Variants in SRBD1 observed in about 807,000 individuals in gnomAD.
SRBD1 encodes S1 RNA-binding domain-containing protein 1.
SRBD1 carries 88 observed loss-of-function variants against 115.3 expected under a neutral mutation model. That is an observed-to-expected ratio of 0.76 (90% CI 0.64 to 0.91). The LOEUF (loss-of-function observed/expected upper bound fraction) is 0.91, where lower values mean the gene tolerates loss of function less well. Among genes scored for constraint, SRBD1 ranks in the 40% least tolerant of loss-of-function variants. SRBD1 has a pLI of 0.00. For synonymous variants in SRBD1, 509 were observed against 407.7 expected, an observed-to-expected ratio of 1.25 and a Z score of -2.99; for missense variants, 1,385 against 1,177.4, an observed-to-expected ratio of 1.18 and a Z score of -2.58.
intron 4 of SRBD1, among the ~76,000 whole-genome samples, chr2:45,590,486 A>C (rs1333236942): frequency 6.6e-6 from 1 of 152,102 alleles, no homozygotes; most frequent in Non-Finnish European, 1.5e-5. Flanking sequence ...CATAATCCCC[A>C]CGTGTCAAGG....
intron 10 of SRBD1, among the ~76,000 whole-genome samples, chr2:45,556,447 A>AT (rs1491091849): frequency 2.8e-5 from 2 of 72,138 alleles, no homozygotes; most frequent in Non-Finnish European, 5.7e-5. Context: ...ATGCTCTATT[A>AT]CTTTTTTTTT....
intron 19 of SRBD1, among the ~76,000 whole-genome samples, chr2:45,396,635 T>C (rs1271624240): frequency 6.6e-6 from 1 of 152,234 alleles, no homozygotes; most frequent in Admixed American, 6.5e-5. Context: ...GAATGCTATA[T>C]AACCTAAAAT....
chr2:45,567,256 T>C (rs1672858344), intron 9 of SRBD1, among the ~76,000 whole-genome samples: 1 of 152,208 alleles, frequency 6.6e-6, no homozygotes, highest in African/African-American at 2.4e-5. Flanking sequence ...TTTTTTCTTT[T>C]CTTATATACT....
chr2:45,449,675 C>A (rs1668933686), intron 16 of SRBD1, among the ~76,000 whole-genome samples: 1 of 152,098 alleles, frequency 6.6e-6, no homozygotes, highest in Non-Finnish European at 1.5e-5. Flanking sequence ...CAGAGCTATA[C>A]AAATTAAAAC....
At position 45,553,739 on chromosome 2, in the gene SRBD1, C is replaced by T; in HGVS notation, c.1410-9G>A. The T allele has an allele frequency of 1.3e-6, 2 of 1,543,324 alleles. No homozygotes were observed. The highest frequency in any genetic ancestry group is 1.7e-6 in the Non-Finnish European group (2 of 1,144,152). ...AGCTACGTGGTCTCCACCTGCAAAA[C>T]AGAAAAGCCCACACTAAAACTGATG... is the stretch of plus-strand genomic sequence containing the variant. On this transcript the variant is annotated splice_polypyrimidine_tract_variant and intron_variant, in intron 10 of 20. Transcript: ENST00000263736.
chr2:45,407,151 A>C (rs1334923233), intron 19 of SRBD1, among the ~76,000 whole-genome samples: 1 of 152,126 alleles, frequency 6.6e-6, no homozygotes, highest in Non-Finnish European at 1.5e-5. Context: ...AAGAAGTGGG[A>C]ATAATAATAG....
intron 16 of SRBD1, among the ~76,000 whole-genome samples, chr2:45,462,523 T>C (rs1415274544): frequency 6.6e-6 from 1 of 152,038 alleles, no homozygotes; most frequent in Non-Finnish European, 1.5e-5. Flanking sequence ...TTTTTAATAA[T>C]ACAGTACAAT....
chr2:45,483,043 A>G (rs1055030574), intron 15 of SRBD1, among the ~76,000 whole-genome samples: 4 of 152,118 alleles, frequency 2.6e-5, no homozygotes, highest in Non-Finnish European at 5.9e-5. Flanking sequence ...TGTATTTATT[A>G]AAAGGCTTTA....
rs556737291 is a variant in SRBD1 at position 45,488,395 on chromosome 2, T to C, written c.1875-64A>G. 8 of 1,443,196 alleles carry C rather than the reference T, an allele frequency of 5.5e-6. No individual in the cohort carries two copies. In the South Asian group the frequency reaches 9.6e-5, roughly 17 times the overall value. The allele number at this position is 1,443,196 out of a possible 1,614,324, so 89.4% of individuals were successfully genotyped here. ...TTCCTGCCTGGTCAAAGAAAATAAA[T>C]GAATGAAACCAGGCATTACCAGAAA... On this transcript the variant is annotated intron_variant, in intron 14 of 20. Transcript: ENST00000263736.
intron 10 of SRBD1, among the ~76,000 whole-genome samples, chr2:45,554,612 G>C (rs1435384702): frequency 6.6e-6 from 1 of 152,094 alleles, no homozygotes; most frequent in Non-Finnish European, 1.5e-5. Flanking sequence ...TGAACACTGG[G>C]GAAAGAATAG....
Position 45,585,619 on chromosome 2 carries a change from T to G in SRBD1, c.804A>C (p.Leu268=). ...ADSLREVQQT[L]EELRAVAKKV... ...TTTAGGTTTCTTACCGTAGCTCTTC[T>G]AGGGTTTGCTGAACTTCTCTCAAGG... Residue 268 remains leucine, a synonymous_variant, in exon 5 of 21, where the codon CTA becomes CTC. Coordinates refer to ENST00000263736, the MANE Select transcript of SRBD1 (RefSeq NM_018079.5). 6.2e-7 allele frequency: 1 copy of G among 1,611,064 alleles called. No homozygotes were observed. Among genetic ancestry groups the G allele is most frequent in the Non-Finnish European group, 8.5e-7 (1 of 1,179,214 alleles).
intron 15 of SRBD1, among the ~76,000 whole-genome samples, chr2:45,477,627 G>A (rs1669842881): frequency 6.6e-6 from 1 of 152,094 alleles, no homozygotes; most frequent in South Asian, 2.1e-4. Flanking sequence ...TCAGTTCACT[G>A]CAGCTTTGAA....
intron 15 of SRBD1, among the ~76,000 whole-genome samples, chr2:45,480,118 T>C (rs112441528): frequency 1.4e-3 from 211 of 152,318 alleles, no homozygotes; most frequent in African/African-American, 4.6e-3. Flanking sequence ...TAGTGCTCAT[T>C]GACAATGCAC....
At chr2:45,547,132 A>G (rs2104033953) in intron 13 of SRBD1, among the ~76,000 whole-genome samples, 1 of 152,330 alleles carries the variant, frequency 6.6e-6, no homozygotes, top group East Asian at 1.9e-4. Context: ...TCAACTCTGG[A>G]GCATTCTAAG....
At chr2:45,458,333 C>T (rs932755618) in intron 16 of SRBD1, among the ~76,000 whole-genome samples, 8 of 152,102 alleles carry the variant, frequency 5.3e-5, no homozygotes, top group African/African-American at 1.9e-4. Context: ...CTCACCCTTT[C>T]TGGCTTGTTT....
intron 15 of SRBD1, among the ~76,000 whole-genome samples, chr2:45,485,301 T>G (rs1002330298): frequency 6.6e-6 from 1 of 152,204 alleles, no homozygotes; most frequent in Non-Finnish European, 1.5e-5. Flanking sequence ...TAGAATTCAA[T>G]GTTCTCAAGT....
chr2:45,569,072 C>A lies in SRBD1; in HGVS notation c.1305+4135G>T, dbSNP rs146868181. ...CCTCTACACCCTAAACAGGACCCAA[C>A]ATAAAATAACCTTTCAGGAAATACT... On this transcript the variant is annotated intron_variant, in intron 9 of 20. Transcript: ENST00000263736. 618 of 151,984 alleles carry A rather than the reference C, an allele frequency of 4.1e-3. 5 individuals carry two copies. Among genetic ancestry groups the A allele is most frequent in the African/African-American group, 0.013 (536 of 41,278 alleles). 9.4% of individuals were successfully genotyped at this position (151,984 alleles called of 1,614,324 possible).
At chr2:45,452,235 T>TAA (rs1669020407) in intron 16 of SRBD1, among the ~76,000 whole-genome samples, 1 of 151,984 alleles carries the variant, frequency 6.6e-6, no homozygotes, top group South Asian at 2.1e-4. Flanking sequence ...ACTGTTTTGA[T>TAA]AAAAATTTGC....
At chr2:45,490,784 A>T (rs1471621014) in intron 14 of SRBD1, among the ~76,000 whole-genome samples, 1 of 152,180 alleles carries the variant, frequency 6.6e-6, no homozygotes, top group African/African-American at 2.4e-5. Flanking sequence ...TATTCCTCCA[A>T]ATACCATACT....
Sources: gnomAD v4.1 joint callset for allele counts (sites outside exome capture counted in the v4.1 genomes callset) on GRCh38, gnomAD v4.1.1 for gene constraint, MANE v1.5 for transcripts, NCBI Gene and HGNC (gene_info 2026-07-23, HGNC 2026-07-21) for gene names.